SLC26A7: variants seen among roughly 807,000 people sequenced by gnomAD.
SLC26A7 encodes solute carrier family 26 member 7.
SLC26A7 carries 59 observed loss-of-function variants against 82.5 expected under a neutral mutation model. The observed-to-expected ratio is 0.72, with a 90% confidence interval of 0.58 to 0.89. The LOEUF (loss-of-function observed/expected upper bound fraction) is 0.89. Among genes scored for constraint, SLC26A7 ranks in the 40% least tolerant of loss-of-function variants. The probability of loss-of-function intolerance (pLI) is 0.00; values close to 1 mark genes in which losing one functional copy is unlikely to be tolerated. For missense variants in SLC26A7, 820 were observed against 793.0 expected (o/e 1.03, Z -0.41); for synonymous variants, 271 against 274.3 (o/e 0.99, Z 0.12).
At chr8:91,361,753 C>G (rs1353221647) in intron 11 of SLC26A7, among the ~76,000 whole-genome samples, 1 of 151,988 alleles carries the variant, frequency 6.6e-6, no homozygotes, top group African/African-American at 2.4e-5. Context: ...TGAAATGTTC[C>G]CCAAAACTAA....
At chr8:91,248,884 T>A (rs77825732), upstream of SLC26A7, among the ~76,000 whole-genome samples, 943 of 152,254 alleles carry the variant, frequency 6.2e-3, 13 homozygotes, top group African/African-American at 0.021. Context: ...TCTTAGCCCA[T>A]GAGATGAAAT....
At chr8:91,308,661 A>C (rs1311818131) in intron 4 of SLC26A7, among the ~76,000 whole-genome samples, 1 of 152,154 alleles carries the variant, frequency 6.6e-6, no homozygotes, top group East Asian at 1.9e-4. Context: ...TGTCTGCATA[A>C]ATTACTGGAA....
intron 5 of SLC26A7, among the ~76,000 whole-genome samples, chr8:91,330,465 A>G (rs1384858135): frequency 6.6e-6 from 1 of 152,186 alleles, no homozygotes; most frequent in Non-Finnish European, 1.5e-5. Flanking sequence ...TTTTGACTCA[A>G]TATTTTGAGT....
chr8:91,220,373 T>C (rs1810139857), intron 2 of SLC26A7, among the ~76,000 whole-genome samples: 1 of 151,902 alleles, frequency 6.6e-6, no homozygotes, highest in Non-Finnish European at 1.5e-5. Context: ...TTTTGTTTTT[T>C]TTCTTTATTT....
upstream of SLC26A7, among the ~76,000 whole-genome samples, chr8:91,248,184 T>G (rs1009278463): frequency 1.3e-5 from 2 of 152,084 alleles, no homozygotes; most frequent in African/African-American, 4.8e-5. Flanking sequence ...GTAAAAACAG[T>G]TGGACAAACA....
chr8:91,240,606 C>T (rs1351969113), intron 2 of SLC26A7, among the ~76,000 whole-genome samples: 1 of 152,094 alleles, frequency 6.6e-6, no homozygotes, highest in East Asian at 1.9e-4. Flanking sequence ...TATACTTGGG[C>T]ATTCAATTTG....
chr8:91,367,505 T>C (rs1353556899), intron 14 of SLC26A7, among the ~76,000 whole-genome samples: 1 of 152,220 alleles, frequency 6.6e-6, no homozygotes, highest in Non-Finnish European at 1.5e-5. Context: ...TATGATTTAA[T>C]ATAAATAAGC....
intron 15 of SLC26A7, among the ~76,000 whole-genome samples, chr8:91,376,149 A>G (rs1814510098): frequency 6.6e-6 from 1 of 152,114 alleles, no homozygotes; most frequent in South Asian, 2.1e-4. Context: ...TTCTTTGTGC[A>G]GGTTTTCAAC....
At chr8:91,225,643 GTTTTTTTTTTTT>G (rs55732709) in intron 2 of SLC26A7, among the ~76,000 whole-genome samples, 18 of 36,134 alleles carry the variant, frequency 5.0e-4, no homozygotes, top group South Asian at 2.1e-3. Flanking sequence ...CTAGAAAAGT[GTTTTTTTTTTTT>G]TTTTTTTTTT....
At chr8:91,306,636 G>T (rs1306335084) in intron 4 of SLC26A7, among the ~76,000 whole-genome samples, 1 of 151,912 alleles carries the variant, frequency 6.6e-6, no homozygotes, top group Non-Finnish European at 1.5e-5. Context: ...CATTAGGAAG[G>T]TATATTTGTC....
intron 4 of SLC26A7, among the ~76,000 whole-genome samples, chr8:91,296,661 T>A (rs889325457): frequency 1.3e-5 from 2 of 152,220 alleles, no homozygotes; most frequent in Non-Finnish European, 2.9e-5. Context: ...GAAATGAGAA[T>A]AAGAACTCAT....
intron 2 of SLC26A7, among the ~76,000 whole-genome samples, chr8:91,258,555 C>T (rs1334862729): frequency 5.9e-5 from 9 of 152,000 alleles, no homozygotes; most frequent in Admixed American, 5.9e-4. Context: ...ATGGCCACTT[C>T]CCTGACAGTA....
At chr8:91,372,053 A>C (rs558347147) in intron 15 of SLC26A7, among the ~76,000 whole-genome samples, 115 of 151,686 alleles carry the variant, frequency 7.6e-4, no homozygotes, top group African/African-American at 2.4e-3. Flanking sequence ...AGTGTCTGTT[A>C]ATGTCCTTTG....
intron 2 of SLC26A7, among the ~76,000 whole-genome samples, chr8:91,286,258 G>A (rs1811707646): frequency 1.3e-5 from 2 of 152,168 alleles, no homozygotes; most frequent in South Asian, 2.1e-4. Context: ...AGGGCTTCTC[G>A]AAAGGTTGGT....
chr8:91,262,566 T>C (rs1377014821), intron 2 of SLC26A7, among the ~76,000 whole-genome samples: 1 of 152,012 alleles, frequency 6.6e-6, no homozygotes, highest in East Asian at 1.9e-4. Context: ...TGGAAGGTCA[T>C]GTGTTGGTGT....
At chr8:91,374,518 C>T (rs1204116012) in intron 15 of SLC26A7, among the ~76,000 whole-genome samples, 1 of 151,928 alleles carries the variant, frequency 6.6e-6, no homozygotes, top group Non-Finnish European at 1.5e-5. Context: ...TGCTTAATTT[C>T]CATGTACTTG....
At chr8:91,368,027 AG>A (rs1376928496) in intron 14 of SLC26A7, among the ~76,000 whole-genome samples, 2 of 152,196 alleles carry the variant, frequency 1.3e-5, no homozygotes, top group Non-Finnish European at 1.5e-5. Context: ...TGAAAATGTG[AG>A]GTCTCCTGTT....
intron 5 of SLC26A7, among the ~76,000 whole-genome samples, chr8:91,318,848 A>C (rs1023389248): frequency 4.6e-5 from 7 of 152,164 alleles, no homozygotes; most frequent in African/African-American, 1.2e-4. Context: ...CAAGAAAGAG[A>C]GTAGCACCTG....
chr8:91,323,018 C>T (rs1812834935), intron 5 of SLC26A7, among the ~76,000 whole-genome samples: 1 of 152,124 alleles, frequency 6.6e-6, no homozygotes, highest in Non-Finnish European at 1.5e-5. Context: ...GGAATGAGAT[C>T]ACAATTAAAT....
Sources: gnomAD v4.1 joint callset for allele counts (sites outside exome capture counted in the v4.1 genomes callset) on GRCh38, gnomAD v4.1.1 for gene constraint, MANE v1.5 for transcripts, NCBI Gene and HGNC (gene_info 2026-07-23, HGNC 2026-07-21) for gene names.